Variants in DPP10 observed in about 807,000 individuals in gnomAD.
The protein encoded by DPP10 is dipeptidyl peptidase like 10.
DPP10 carries 33 observed loss-of-function variants against 120.9 expected under a neutral mutation model. The ratio of observed to expected loss-of-function variants is 0.27; its 90% CI spans 0.21 to 0.37. The LOEUF (loss-of-function observed/expected upper bound fraction) is 0.37. Among genes scored for constraint, DPP10 ranks in the 10% least tolerant of loss-of-function variants. DPP10 has a pLI of 1.00. For synonymous variants in DPP10, 337 were observed against 326.1 expected (o/e 1.03, Z -0.36); for missense variants, 816 against 942.8 (o/e 0.87, Z 1.76).
rs565231670 is a variant in DPP10, at chr2:115,450,131, C to T, written c.272-49379C>T. Among the ~76,000 whole-genome samples, 32 of 151,950 alleles carry T rather than the reference C, an allele frequency of 2.1e-4. No individual in the cohort carries two copies. In the South Asian group the frequency reaches 4.8e-3, roughly 23 times the overall value. On this transcript the variant is annotated intron_variant, in intron 3 of 25. Coordinates refer to ENST00000410059, the MANE Select transcript of DPP10 (RefSeq NM_020868.6). The stretch of plus-strand genomic sequence containing the variant: ...TTGAGAATATCATAAGTCAAAAATG[C>T]GTTAAATACTCCCAACCTACCAAAC...
chr2:115,270,186 A>G (rs1435907610), intron 1 of DPP10, among the ~76,000 whole-genome samples: 1 of 152,014 alleles, frequency 6.6e-6, no homozygotes, highest in African/African-American at 2.4e-5. Flanking sequence ...TGTTCTGCCA[A>G]GATAGTCACT....
In DPP10 at chr2:115,489,628, A is replaced by T. The variant is rs562677692; in HGVS notation, c.272-9882A>T. Among the ~76,000 whole-genome samples the T allele has an allele frequency of 1.1e-3, 168 of 149,132 alleles. 2 individuals are homozygous for T. The East Asian group carries it at 0.013, about 12-fold the overall frequency. ...AAAACTGGCGCTTTTTTTTTTTTTTAAATTAAGCTGGTACAATTTGACTTA... is the reference window on the plus strand; with the variant it reads ...AAAACTGGCGCTTTTTTTTTTTTTTTAATTAAGCTGGTACAATTTGACTTA... On this transcript the variant is annotated intron_variant, in intron 3 of 25. Transcript: ENST00000410059.
intron 1 of DPP10, among the ~76,000 whole-genome samples, chr2:115,272,845 C>G (rs1460780476): frequency 6.6e-6 from 1 of 152,226 alleles, no homozygotes; most frequent in South Asian, 2.1e-4. Flanking sequence ...CTGTAATGCT[C>G]AATTCCATGT....
At chr2:115,118,724 C>A (rs2049660887) in intron 1 of DPP10, among the ~76,000 whole-genome samples, 1 of 151,036 alleles carries the variant, frequency 6.6e-6, no homozygotes, top group Non-Finnish European at 1.5e-5. Context: ...GGGCTACAAG[C>A]ACATGCCACC....
intron 1 of DPP10, among the ~76,000 whole-genome samples, chr2:114,956,564 A>G (rs888851561): frequency 6.6e-6 from 1 of 152,180 alleles, no homozygotes; most frequent in Non-Finnish European, 1.5e-5. Context: ...ATGAAAATCA[A>G]AATGTCATTT....
rs10177216 is a variant in DPP10, at chr2:114,921,649, A to G, written c.61-387590A>G. ...CTTAAGGGTTGTATAAACTAAATGAAATGCTACTTATGCTCTATTTCTTAT... is the reference window on the plus strand; with the variant it reads ...CTTAAGGGTTGTATAAACTAAATGAGATGCTACTTATGCTCTATTTCTTAT... On this transcript the variant is annotated intron_variant, in intron 1 of 25. Transcript: ENST00000410059. 9.8e-3 allele frequency among the ~76,000 whole-genome samples: 1,496 copies of G among 152,336 alleles called. 20 individuals carry two copies. The highest frequency in any genetic ancestry group is 0.035 in the African/African-American group (1,442 of 41,578).
chr2:115,020,597 A>T (rs562870109), intron 1 of DPP10, among the ~76,000 whole-genome samples: 1 of 152,168 alleles, frequency 6.6e-6, no homozygotes, highest in Non-Finnish European at 1.5e-5. Flanking sequence ...AGCACTAGAC[A>T]GGTCATCAAG....
At chr2:115,148,161 G>T (rs2104880701) in intron 1 of DPP10, among the ~76,000 whole-genome samples, 1 of 152,286 alleles carries the variant, frequency 6.6e-6, no homozygotes, top group Non-Finnish European at 1.5e-5. Flanking sequence ...AGCATTAATT[G>T]TTCTCTATAT....
chr2:114,990,925 A>C (rs565033094), intron 1 of DPP10, among the ~76,000 whole-genome samples: 4 of 152,176 alleles, frequency 2.6e-5, no homozygotes, highest in Non-Finnish European at 5.9e-5. Flanking sequence ...AGATTTTAAT[A>C]GGCTTTTACT....
intron 4 of DPP10, among the ~76,000 whole-genome samples, chr2:115,520,512 ATT>A (rs5833607): frequency 1.9e-4 from 29 of 151,046 alleles, no homozygotes; most frequent in South Asian, 4.2e-4. Context: ...CTGGAGCATG[ATT>A]TTTTTTTTTA....
At chr2:115,398,366 A>G (rs1281941476) in intron 3 of DPP10, among the ~76,000 whole-genome samples, 1 of 152,156 alleles carries the variant, frequency 6.6e-6, no homozygotes, top group Non-Finnish European at 1.5e-5. Context: ...AATTCATGAC[A>G]TGTCCTTAAC....
intron 22 of DPP10, 28 bp downstream of exon 22, chr2:115,836,284 T>C (rs1401780928): frequency 6.4e-7 from 1 of 1,562,010 alleles, no homozygotes; most frequent in African/African-American, 1.4e-5. Context: ...ACTGACCTAG[T>C]ATAATGTATT....
chr2:114,612,228 T>C (rs913090539), intron 1 of DPP10, among the ~76,000 whole-genome samples: 1 of 152,152 alleles, frequency 6.6e-6, no homozygotes, highest in Admixed American at 6.6e-5. Context: ...TTCTTATGCC[T>C]TTGAGTCTGC....
At chr2:115,529,656 T>TA (rs1301806918) in intron 5 of DPP10, among the ~76,000 whole-genome samples, 4 of 152,104 alleles carry the variant, frequency 2.6e-5, no homozygotes, top group Non-Finnish European at 5.9e-5. Context: ...TTAAAAGTAG[T>TA]AAAAAATGAT....
chr2:114,721,611 C>T (rs1701710223), intron 1 of DPP10, among the ~76,000 whole-genome samples: 1 of 152,186 alleles, frequency 6.6e-6, no homozygotes, highest in Non-Finnish European at 1.5e-5. Context: ...AGCTACTATC[C>T]TGATTCTACA....
chr2:115,643,886 T>C (rs996219491), intron 5 of DPP10, among the ~76,000 whole-genome samples: 3 of 152,182 alleles, frequency 2.0e-5, no homozygotes, highest in Non-Finnish European at 2.9e-5. Flanking sequence ...CAGTTCACTT[T>C]GGAATATTGT....
chr2:114,585,827 TG>T (rs1447836759), intron 1 of DPP10, among the ~76,000 whole-genome samples: 2 of 152,180 alleles, frequency 1.3e-5, no homozygotes, highest in East Asian at 3.9e-4. Flanking sequence ...CACCAACATG[TG>T]GGAGCAATTT....
intron 3 of DPP10, among the ~76,000 whole-genome samples, chr2:115,425,567 T>A (rs1275982851): frequency 6.6e-6 from 1 of 152,166 alleles, no homozygotes; most frequent in African/African-American, 2.4e-5. Context: ...AACTAAAAAA[T>A]TAGGTAACTC....
intron 1 of DPP10, among the ~76,000 whole-genome samples, chr2:114,582,719 T>C (rs954520673): frequency 2.0e-5 from 3 of 152,216 alleles, no homozygotes; most frequent in African/African-American, 7.2e-5. Flanking sequence ...CATATGCTTA[T>C]TTGCCATCTG....
Sources: allele counts gnomAD v4.1 joint callset (sites outside exome capture counted in the v4.1 genomes callset), GRCh38; gene constraint gnomAD v4.1.1; transcripts MANE v1.5; gene names NCBI Gene and HGNC (gene_info 2026-07-23, HGNC 2026-07-21).